MDGA2: variants seen among roughly 807,000 people sequenced by gnomAD.
MDGA2 encodes the protein MAM domain-containing glycosylphosphatidylinositol anchor protein 2.
MDGA2 carries 40 observed loss-of-function variants against 117.8 expected under a neutral mutation model. The observed-to-expected ratio is 0.34, with a 90% CI of 0.26 to 0.44. The LOEUF (loss-of-function observed/expected upper bound fraction) is 0.44. Among genes scored for constraint, MDGA2 ranks in the 20% least tolerant of loss-of-function variants. MDGA2 has a pLI of 1.00. For missense variants in MDGA2, 1,123 were observed against 1,250.6 expected, an observed-to-expected ratio of 0.90 and a Z score of 1.54; for synonymous variants, 452 against 439.0, an observed-to-expected ratio of 1.03 and a Z score of -0.37.
intron 12 of MDGA2, among the ~76,000 whole-genome samples, chr14:46,876,201 T>C (rs1215202002): frequency 6.6e-6 from 1 of 151,534 alleles, no homozygotes; most frequent in Non-Finnish European, 1.5e-5. Context: ...TCTAAGGACA[T>C]ATATCTTTAC....
At chr14:46,881,847 T>C (rs1187389092) in intron 11 of MDGA2, among the ~76,000 whole-genome samples, 197 bp downstream of exon 11, 2 of 152,080 alleles carry the variant, frequency 1.3e-5, no homozygotes, top group Non-Finnish European at 2.9e-5. Flanking sequence ...TCTATATCTC[T>C]ACATTTGTAA....
intron 9 of MDGA2, among the ~76,000 whole-genome samples, chr14:46,938,381 A>AT (rs1347187995): frequency 6.6e-6 from 1 of 151,088 alleles, no homozygotes; most frequent in African/African-American, 2.4e-5. Context: ...TCTACTAAAA[A>AT]TAAAAAAATT....
chr14:46,857,398 T>C lies in MDGA2; in HGVS notation c.2753-2244A>G, dbSNP rs532916370. Among the ~76,000 whole-genome samples, 36 of 152,182 alleles carry C rather than the reference T, an allele frequency of 2.4e-4. No homozygotes were observed. In the East Asian group the frequency reaches 3.1e-3, roughly 13 times the overall value. On this transcript the variant is annotated intron_variant, in intron 14 of 16. Coordinates refer to ENST00000399232, the MANE Select transcript of MDGA2 (RefSeq NM_001113498.3). ...GTTTAGAATTCAGGCGGGTTTTTTT[T>C]CCACGTATTAAAGGTGTTCCATTAT...
At chr14:47,416,058 A>G (rs777586590) in intron 1 of MDGA2, among the ~76,000 whole-genome samples, 1 of 152,124 alleles carries the variant, frequency 6.6e-6, no homozygotes, top group Admixed American at 6.5e-5. Context: ...CACATGCAAA[A>G]TACAGTAATT....
intron 8 of MDGA2, among the ~76,000 whole-genome samples, chr14:46,960,892 A>G (rs1885776996): frequency 6.8e-6 from 1 of 146,876 alleles, no homozygotes; most frequent in African/African-American, 2.5e-5. Context: ...ATATATACAT[A>G]TATGTATATA....
At chr14:47,171,772 T>C (rs1884148636) in intron 3 of MDGA2, among the ~76,000 whole-genome samples, 2 of 152,150 alleles carry the variant, frequency 1.3e-5, no homozygotes, top group South Asian at 2.1e-4. Flanking sequence ...TTCATCTCAC[T>C]AGGGAGTGCC....
chr14:47,186,598 A>C (rs1460552856), intron 3 of MDGA2, among the ~76,000 whole-genome samples: 1 of 151,924 alleles, frequency 6.6e-6, no homozygotes, highest in African/African-American at 2.4e-5. Flanking sequence ...ACAAGTAAGG[A>C]AACAGAACTG....
At chr14:47,650,938 A>G (rs1172955007) in intron 1 of MDGA2, among the ~76,000 whole-genome samples, 1 of 152,152 alleles carries the variant, frequency 6.6e-6, no homozygotes, top group Non-Finnish European at 1.5e-5. Flanking sequence ...TTCACCAAAA[A>G]TTGGGTAAAT....
At chr14:46,926,318 G>C (rs528294047) in intron 9 of MDGA2, among the ~76,000 whole-genome samples, 1 of 151,642 alleles carries the variant, frequency 6.6e-6, no homozygotes, top group East Asian at 1.9e-4. Context: ...CACTTGCAAA[G>C]TATCAAAAAT....
chr14:47,071,818 G>A (rs1428213059), intron 6 of MDGA2, among the ~76,000 whole-genome samples: 1 of 151,986 alleles, frequency 6.6e-6, no homozygotes, highest in Non-Finnish European at 1.5e-5. Context: ...TGTATTTTCT[G>A]CACCTGCATA....
chr14:46,862,538 T>C (rs1000930036), intron 14 of MDGA2, among the ~76,000 whole-genome samples: 11 of 151,206 alleles, frequency 7.3e-5, no homozygotes, highest in Admixed American at 3.3e-4. Context: ...TTATATATTT[T>C]AGATAAATAA....
intron 1 of MDGA2, among the ~76,000 whole-genome samples, chr14:47,534,393 C>T (rs1895163576): frequency 6.6e-6 from 1 of 152,080 alleles, no homozygotes; most frequent in Admixed American, 6.6e-5. Context: ...AGATACTACC[C>T]GAGACTGGGT....
At chr14:47,127,445 GC>G (rs985013369) in intron 5 of MDGA2, among the ~76,000 whole-genome samples, 1 of 152,000 alleles carries the variant, frequency 6.6e-6, no homozygotes, top group African/African-American at 2.4e-5. Flanking sequence ...CCAACTATGA[GC>G]ACCACCAGAT....
At chr14:47,091,880 C>T (rs1879677279) in intron 6 of MDGA2, among the ~76,000 whole-genome samples, 1 of 152,100 alleles carries the variant, frequency 6.6e-6, no homozygotes, top group Non-Finnish European at 1.5e-5. Flanking sequence ...ATGGCAGAGA[C>T]ATGATCAGCC....
intron 1 of MDGA2, among the ~76,000 whole-genome samples, chr14:47,551,360 CT>C (rs1436628501): frequency 6.6e-6 from 1 of 152,104 alleles, no homozygotes; most frequent in Non-Finnish European, 1.5e-5. Context: ...AACACTTTTG[CT>C]TTCTATGCTT....
At position 47,508,942 on chromosome 14, in the gene MDGA2, G is replaced by A. The variant is rs367669041; in HGVS notation, c.280+165575C>T. ...CCTGACCTCGTGATCCACCCGCCTC[G>A]GCCTCCCAAAGTGCTGGGATTACAG... On this transcript the variant is annotated intron_variant, in intron 1 of 16. Transcript: ENST00000399232. Among the ~76,000 whole-genome samples, 21 of 152,096 alleles carry A rather than the reference G, an allele frequency of 1.4e-4. No homozygotes were observed. The East Asian group carries it at 3.1e-3, about 22-fold the overall frequency.
intron 1 of MDGA2, among the ~76,000 whole-genome samples, chr14:47,369,730 T>C (rs1226958983): frequency 3.3e-5 from 5 of 152,144 alleles, no homozygotes; most frequent in Non-Finnish European, 5.9e-5. Flanking sequence ...TTTAGGAAGT[T>C]TAATAACTTT....
intron 1 of MDGA2, among the ~76,000 whole-genome samples, chr14:47,423,384 T>TA (rs1892619540): frequency 6.6e-6 from 1 of 152,230 alleles, no homozygotes; most frequent in African/African-American, 2.4e-5. Context: ...TTAATGCTGA[T>TA]ATCCATCTAC....
intron 9 of MDGA2, among the ~76,000 whole-genome samples, chr14:46,937,110 C>T (rs758645712): frequency 2.6e-5 from 4 of 152,018 alleles, no homozygotes; most frequent in Non-Finnish European, 4.4e-5. Context: ...GACACAATAT[C>T]AGCTTACACA....
Sources: allele counts gnomAD v4.1 joint callset (sites outside exome capture counted in the v4.1 genomes callset), GRCh38; gene constraint gnomAD v4.1.1; transcripts MANE v1.5; gene names NCBI Gene and HGNC (gene_info 2026-07-23, HGNC 2026-07-21).